FRAS1: variants seen among roughly 807,000 people sequenced by gnomAD.
FRAS1 encodes extracellular matrix organizing protein FRAS1.
A neutral mutation model predicts 435.2 loss-of-function variants in FRAS1; 290 were observed. The ratio of observed to expected loss-of-function variants is 0.67; its 90% CI spans 0.61 to 0.73. The LOEUF (loss-of-function observed/expected upper bound fraction) is 0.73, where lower values mean the gene tolerates loss of function less well. Among genes scored for constraint, FRAS1 ranks in the 30% least tolerant of loss-of-function variants. FRAS1 has a pLI of 0.00. For missense variants in FRAS1, 4,860 were observed against 5,001.5 expected, an observed-to-expected ratio of 0.97 and a Z score of 0.85; for synonymous variants, 1,800 against 1,851.0, an observed-to-expected ratio of 0.97 and a Z score of 0.71.
At chr4:78,171,046 T>C (rs1360162965) in intron 2 of FRAS1, among the ~76,000 whole-genome samples, 1 of 152,062 alleles carries the variant, frequency 6.6e-6, no homozygotes, top group Non-Finnish European at 1.5e-5. Context: ...AACCAGCAAT[T>C]TTAGGGCTCA....
intron 2 of FRAS1, chr4:78,070,513 T>G (rs116337489): frequency 1.5e-4 from 23 of 152,210 alleles, no homozygotes; most frequent in Non-Finnish European, 3.1e-4. Flanking sequence ...CACTGAATAA[T>G]CTATTTTGGG....
chr4:78,250,505 G>A (rs1027164512), intron 4 of FRAS1, among the ~76,000 whole-genome samples: 1 of 152,108 alleles, frequency 6.6e-6, no homozygotes, highest in Non-Finnish European at 1.5e-5. Flanking sequence ...AGCCTTTTGT[G>A]TGTCATTAAT....
rs139463960 is a variant in FRAS1 at position 78,245,345 on chromosome 4, C to T, written c.309+20C>T. The stretch of plus-strand genomic sequence containing the variant: ...CATGAGGTAAGTGTTTTCTGACTCA[C>T]GGTTGATTCTGTGTCTGCAGATCTC... On this transcript the variant is annotated intron_variant, in intron 4 of 73. Transcript: ENST00000512123. The T allele has an allele frequency of 3.3e-5, 49 of 1,490,908 alleles. No individual in the cohort carries two copies. In the East Asian group the frequency reaches 3.9e-4, roughly 12 times the overall value. 92.4% of individuals were successfully genotyped at this position (1,490,908 alleles called of 1,614,324 possible). A position where few individuals can be genotyped will look rare whatever the true frequency, so the allele number is the denominator to read the frequency against.
At chr4:78,269,305 A>T (rs112977066) in intron 9 of FRAS1, among the ~76,000 whole-genome samples, 2,493 of 152,330 alleles carry the variant, frequency 0.016, 33 homozygotes, top group Non-Finnish European at 0.026. Context: ...TATGAGTTAA[A>T]TATATTAGGA....
At chr4:78,494,843 A>T (rs1192248231) in intron 59 of FRAS1, among the ~76,000 whole-genome samples, 1 of 152,158 alleles carries the variant, frequency 6.6e-6, no homozygotes, top group Non-Finnish European at 1.5e-5. Flanking sequence ...CTTGAATGAG[A>T]ATTTTGTTGG....
Position 78,520,684 on chromosome 4 carries a change from A to C in FRAS1, c.10541-839A>C, listed in dbSNP as rs114159017. On this transcript the variant is annotated intron_variant, in intron 67 of 73. Coordinates refer to ENST00000512123, the MANE Select transcript of FRAS1 (RefSeq NM_025074.7). Reference sequence around the variant, plus strand: ...GCTATATTGTTTAGGAAATAATGACAAAAAAATCTATATGTTTAGTGCAGA... The same window carrying C: ...GCTATATTGTTTAGGAAATAATGACCAAAAAATCTATATGTTTAGTGCAGA... Among the ~76,000 whole-genome samples the C allele has an allele frequency of 8.7e-3, 1,330 of 152,308 alleles. 23 individuals are homozygous for C. Among genetic ancestry groups the C allele is most frequent in the African/African-American group, 0.031 (1,272 of 41,562 alleles).
In FRAS1 at chr4:78,448,229, G is replaced by A. The variant is rs768356466; in HGVS notation, c.6187G>A (p.Asp2063Asn). 2 of 1,612,638 alleles carry A rather than the reference G, an allele frequency of 1.2e-6. No individual in the cohort carries two copies. The highest frequency in any genetic ancestry group is 2.2e-5 in the South Asian group (2 of 90,958). ...CTCCCTCACTGATGGCCTCCACGTG[G>A]ACACAGGGAGGATGAAGATCTACAC... Reference protein sequence around the residue: ...QFSLTDGLHVDTGRMKIYTEL... With the variant: ...QFSLTDGLHVNTGRMKIYTEL... Residue 2063 changes from aspartate to asparagine, a missense_variant, in exon 44 of 74, where the codon GAC becomes AAC. By Grantham distance (23) the Asp-to-Asn change is conservative. Transcript: ENST00000512123.
intron 30 of FRAS1, among the ~76,000 whole-genome samples, chr4:78,406,372 G>A (rs1026731317): frequency 3.3e-5 from 5 of 152,196 alleles, no homozygotes; most frequent in South Asian, 2.1e-4. Flanking sequence ...AAGAGAAAGA[G>A]GTTTAATTGG....
At chr4:78,517,142 A>G (rs1002914351) in intron 66 of FRAS1, among the ~76,000 whole-genome samples, 1 of 152,364 alleles carries the variant, frequency 6.6e-6, no homozygotes, top group East Asian at 1.9e-4. Context: ...GAGAAATTAT[A>G]GAGGGATTTA....
intron 67 of FRAS1, 122 bp from the exon 68 acceptor site, chr4:78,521,401 C>T: frequency 1.6e-6 from 1 of 625,172 alleles, no homozygotes; most frequent in Non-Finnish European, 2.8e-6. Flanking sequence ...TAAATGTTAT[C>T]TTGTTACATT....
At chr4:78,317,750 G>T (rs1225998902) in intron 17 of FRAS1, among the ~76,000 whole-genome samples, 1 of 151,988 alleles carries the variant, frequency 6.6e-6, no homozygotes, top group African/African-American at 2.4e-5. Context: ...GTTTTTAGGG[G>T]GAATATTAAA....
intron 20 of FRAS1, among the ~76,000 whole-genome samples, chr4:78,347,500 A>AAGGTCCCTGATTTCCT (rs1207298984): frequency 7.2e-5 from 11 of 152,136 alleles, no homozygotes; most frequent in African/African-American, 2.4e-4. Flanking sequence ...CCTGATTTTC[A>AAGGTCCCTGATTTCCT]AGGTCCCTGA....
intron 47 of FRAS1, among the ~76,000 whole-genome samples, chr4:78,463,083 A>C (rs1719418783): frequency 6.6e-6 from 1 of 152,208 alleles, no homozygotes; most frequent in South Asian, 2.1e-4. Context: ...AATCAGAAAG[A>C]GAGAATTTGT....
intron 2 of FRAS1, among the ~76,000 whole-genome samples, chr4:78,073,608 T>C (rs896183152): frequency 6.6e-6 from 1 of 152,336 alleles, no homozygotes; most frequent in South Asian, 2.1e-4. Context: ...TATATATGCA[T>C]GTGTATATAT....
intron 27 of FRAS1, among the ~76,000 whole-genome samples, chr4:78,383,405 C>A (rs1183887195): frequency 6.6e-6 from 1 of 152,118 alleles, no homozygotes; most frequent in African/African-American, 2.4e-5. Flanking sequence ...ATTCATTTCT[C>A]TATTACACTC....
At position 78,384,129 on chromosome 4, in the gene FRAS1, G is replaced by A. The variant is rs377716669; in HGVS notation, c.3634G>A (p.Ala1212Thr). The A allele has an allele frequency of 2.8e-5, 44 of 1,597,094 alleles. No individual in the cohort carries two copies. The African/African-American group carries it at 4.3e-4, about 16-fold the overall frequency. The change falls in exon 28 of 74, where the codon GCA becomes ACA. Residue 1212 changes from alanine (A) to threonine (T), a missense_variant. Coordinates refer to ENST00000512123, the MANE Select transcript of FRAS1 (RefSeq NM_025074.7). ...TGAGCCACAGCTGATCAACATACAAGCATTTTCAACACAGGTAATAAAAAT... is the reference window on the plus strand; with the variant it reads ...TGAGCCACAGCTGATCAACATACAAACATTTTCAACACAGGTAATAAAAAT... ...FSEPQLINIQ[A>T]FSTQAPYVLR...
At chr4:78,317,866 A>G (rs1019549359) in intron 17 of FRAS1, among the ~76,000 whole-genome samples, 1 of 152,156 alleles carries the variant, frequency 6.6e-6, no homozygotes, top group African/African-American at 2.4e-5. Context: ...TCTTTTTGGT[A>G]ATGACACTGC....
At chr4:78,168,066 A>AG (rs60455707) in intron 2 of FRAS1, among the ~76,000 whole-genome samples, 10 of 151,936 alleles carry the variant, frequency 6.6e-5, no homozygotes, top group Non-Finnish European at 1.2e-4. Flanking sequence ...AAAAAAAAAA[A>AG]TCAGTGATAA....
At chr4:78,386,142 T>C (rs901000887) in intron 28 of FRAS1, among the ~76,000 whole-genome samples, 1 of 152,200 alleles carries the variant, frequency 6.6e-6, no homozygotes, top group African/African-American at 2.4e-5. Context: ...ATCAAGTGAG[T>C]AAATAAGGAG....
Sources: allele counts gnomAD v4.1 joint callset (sites outside exome capture counted in the v4.1 genomes callset), GRCh38; gene constraint gnomAD v4.1.1; transcripts MANE v1.5; gene names NCBI Gene and HGNC (gene_info 2026-07-23, HGNC 2026-07-21).